MACROD2: variants seen among roughly 807,000 people sequenced by gnomAD.
The protein encoded by MACROD2 is ADP-ribose glycohydrolase MACROD2.
In MACROD2, 36 loss-of-function variants were observed where a neutral mutation model predicts 70.4. The ratio of observed to expected loss-of-function variants is 0.51; its 90% CI spans 0.39 to 0.68. MACROD2 has a LOEUF of 0.68. MACROD2 is among the 30% of genes least tolerant of loss of function. The pLI, the probability that MACROD2 is intolerant of heterozygous loss-of-function variation, is 0.00. For missense variants in MACROD2, 496 were observed against 538.4 expected (o/e 0.92, Z 0.78); for synonymous variants, 172 against 178.8 (o/e 0.96, Z 0.30).
At chr20:15,199,007 CTTTT>C (rs11477634) in intron 5 of MACROD2, among the ~76,000 whole-genome samples, 2 of 118,626 alleles carry the variant, frequency 1.7e-5, no homozygotes, top group African/African-American at 6.5e-5. Context: ...ATCTGGACTT[CTTTT>C]TTTTTTTTTT....
intron 5 of MACROD2, among the ~76,000 whole-genome samples, chr20:14,711,010 C>G (rs2071332243): frequency 6.6e-6 from 1 of 152,154 alleles, no homozygotes; most frequent in African/African-American, 2.4e-5. Context: ...AGATATTTTC[C>G]TATCAGGTGT....
intron 6 of MACROD2, among the ~76,000 whole-genome samples, chr20:15,306,151 G>A (rs2077695860): frequency 6.6e-6 from 1 of 152,172 alleles, no homozygotes; most frequent in African/African-American, 2.4e-5. Context: ...AGGTAAAATA[G>A]TTATTACCTG....
At chr20:15,427,829 G>T (rs890972283) in intron 6 of MACROD2, among the ~76,000 whole-genome samples, 13 of 152,164 alleles carry the variant, frequency 8.5e-5, no homozygotes, top group Non-Finnish European at 1.6e-4. Context: ...CTAGGTCCTA[G>T]ACTCAAGGTC....
intron 5 of MACROD2, among the ~76,000 whole-genome samples, chr20:15,130,230 A>G (rs1172431783): frequency 3.3e-5 from 5 of 152,036 alleles, no homozygotes; most frequent in African/African-American, 1.2e-4. Flanking sequence ...AAAATTAAAA[A>G]TCAGCACTGA....
intron 15 of MACROD2, among the ~76,000 whole-genome samples, chr20:16,034,444 T>C (rs950255267): frequency 6.6e-6 from 1 of 151,992 alleles, no homozygotes. Context: ...TGAGCTCATC[T>C]TTTCCAACAA....
chr20:15,006,832 G>T (rs1234172732), intron 5 of MACROD2, among the ~76,000 whole-genome samples: 3 of 152,034 alleles, frequency 2.0e-5, no homozygotes, highest in African/African-American at 4.8e-5. Flanking sequence ...GAAAGTCTGG[G>T]TACTTCACTC....
At chr20:15,590,999 CAG>C (rs932932963) in intron 8 of MACROD2, among the ~76,000 whole-genome samples, 1 of 150,938 alleles carries the variant, frequency 6.6e-6, no homozygotes, top group Admixed American at 6.6e-5. Flanking sequence ...GAGAGAGAGA[CAG>C]AGAGAGAAAA....
At chr20:14,380,684 C>T (rs577219105) in intron 3 of MACROD2, among the ~76,000 whole-genome samples, 1 of 152,192 alleles carries the variant, frequency 6.6e-6, no homozygotes, top group East Asian at 1.9e-4. Context: ...TGACTGGTCT[C>T]TTCATACCCT....
At position 14,605,202 on chromosome 20, in the gene MACROD2, T is replaced by A. The variant is rs953315109; in HGVS notation, c.302-79641T>A. Among the ~76,000 whole-genome samples the A allele has an allele frequency of 2.6e-5, 4 of 152,130 alleles. No homozygotes were observed. In the East Asian group the frequency reaches 7.7e-4, roughly 29 times the overall value. ...AACTAGGTGGCATCAACGACAGAAA[T>A]GTATTGTTTCACCGCTTTGGAGGAG... is the stretch of plus-strand genomic sequence containing the variant. On this transcript the variant is annotated intron_variant, in intron 4 of 17. Coordinates refer to ENST00000684519, the MANE Select transcript of MACROD2 (RefSeq NM_001351661.2).
intron 12 of MACROD2, among the ~76,000 whole-genome samples, chr20:15,962,761 C>T (rs924627885): frequency 5.9e-5 from 9 of 152,036 alleles, no homozygotes; most frequent in Non-Finnish European, 1.0e-4. Context: ...TTAATGAGAC[C>T]GTAATGAAGA....
chr20:15,218,325 T>C (rs1163428168), intron 5 of MACROD2, among the ~76,000 whole-genome samples: 1 of 152,182 alleles, frequency 6.6e-6, no homozygotes, highest in Non-Finnish European at 1.5e-5. Context: ...TCTAAAACCA[T>C]CATCACAGTT....
chr20:14,121,779 C>T (rs372735680), intron 3 of MACROD2, among the ~76,000 whole-genome samples: 9 of 151,992 alleles, frequency 5.9e-5, no homozygotes, highest in East Asian at 1.9e-4. Context: ...CTCCTTTTTA[C>T]GTCAAATAAT....
chr20:14,058,116 T>C (rs2053651188), intron 2 of MACROD2, among the ~76,000 whole-genome samples: 2 of 152,212 alleles, frequency 1.3e-5, no homozygotes, highest in South Asian at 4.1e-4. Context: ...TTCCTTTTCT[T>C]GACTTGGGTG....
At chr20:14,080,712 A>G (rs888801165) in intron 2 of MACROD2, among the ~76,000 whole-genome samples, 6 of 152,018 alleles carry the variant, frequency 3.9e-5, no homozygotes, top group African/African-American at 9.7e-5. Context: ...TCCGTTGTCA[A>G]CCTATAAACT....
chr20:14,396,084 G>A (rs2083577007), intron 3 of MACROD2, among the ~76,000 whole-genome samples: 1 of 152,138 alleles, frequency 6.6e-6, no homozygotes, highest in Admixed American at 6.5e-5. Context: ...CATTGTGATA[G>A]GACAATATAC....
intron 13 of MACROD2, among the ~76,000 whole-genome samples, chr20:15,984,758 T>G (rs1166291788): frequency 6.6e-6 from 1 of 152,154 alleles, no homozygotes; most frequent in African/African-American, 2.4e-5. Flanking sequence ...AAACTTCACT[T>G]TTGTTGAAAA....
chr20:14,620,785 C>T (rs563470924), intron 4 of MACROD2, among the ~76,000 whole-genome samples: 47 of 152,106 alleles, frequency 3.1e-4, no homozygotes, highest in Non-Finnish European at 6.3e-4. Context: ...TCGGAGAGCA[C>T]ATGATTTTCA....
chr20:15,656,688 G>C (rs1381209980), intron 8 of MACROD2, among the ~76,000 whole-genome samples: 2 of 152,122 alleles, frequency 1.3e-5, no homozygotes, highest in Non-Finnish European at 2.9e-5. Flanking sequence ...AAACAGAGCC[G>C]GAGGGAGTTT....
intron 15 of MACROD2, among the ~76,000 whole-genome samples, chr20:16,002,619 T>A (rs2066726002): frequency 6.6e-6 from 1 of 152,134 alleles, no homozygotes; most frequent in Non-Finnish European, 1.5e-5. Flanking sequence ...ACAGGTGGCC[T>A]CTAGAAACCG....
Sources: gnomAD v4.1 joint callset for allele counts (sites outside exome capture counted in the v4.1 genomes callset) on GRCh38, gnomAD v4.1.1 for gene constraint, MANE v1.5 for transcripts, NCBI Gene and HGNC (gene_info 2026-07-23, HGNC 2026-07-21) for gene names.